Variants in ZNF584 observed in about 807,000 individuals in gnomAD.
ZNF584 encodes zinc finger protein 584.
ZNF584 carries 12 observed loss-of-function variants against 14.7 expected under a neutral mutation model. That is an observed-to-expected ratio of 0.82 (90% confidence interval 0.52 to 1.32). The LOEUF (loss-of-function observed/expected upper bound fraction) is 1.32, where lower values mean the gene tolerates loss of function less well. Ranked by LOEUF, ZNF584 falls within the 40% of genes most tolerant of loss-of-function variation. The probability of loss-of-function intolerance (pLI) is 0.00; values close to 1 mark genes in which losing one functional copy is unlikely to be tolerated. For missense variants in ZNF584, 478 were observed against 518.8 expected (o/e 0.92, Z 0.76); for synonymous variants, 204 against 190.9 (o/e 1.07, Z -0.57).
At position 58,415,597 on chromosome 19, in the gene ZNF584, G is replaced by A. The variant is rs753004899; in HGVS notation, c.243G>A (p.Val81=). 2 of 1,614,166 alleles carry A rather than the reference G, an allele frequency of 1.2e-6. No homozygotes were observed. The highest frequency in any genetic ancestry group is 2.2e-5 in the South Asian group (2 of 91,056). The change falls in exon 3 of 4, where the codon GTG becomes GTA. Residue 81 remains valine (V), a synonymous_variant. Coordinates refer to ENST00000306910, the MANE Select transcript of ZNF584 (RefSeq NM_173548.3). ...DDEQSWVPSW[V]DVTPVSRAEA... is the part of the protein sequence containing the mutation. ...AACAGTCGTGGGTGCCCAGCTGGGT[G>A]GATGTGACTCCAGTCAGCAGAGCAG...
At chr19:58,416,120 C>T (rs564671341) in intron 3 of ZNF584, 7 of 646,882 alleles carry the variant, frequency 1.1e-5, no homozygotes, top group Admixed American at 2.9e-5. Context: ...CTTCCCTGCA[C>T]CATATCCTAT....
At chr19:58,414,378 G>A (rs970959156) in intron 2 of ZNF584, among the ~76,000 whole-genome samples, 23 of 151,048 alleles carry the variant, frequency 1.5e-4, no homozygotes, top group African/African-American at 5.4e-4. Flanking sequence ...TTGCTCTGTC[G>A]CCCAGGCTGG....
In ZNF584 at chr19:58,410,542, T is replaced by TTTTTTTTTTTTTTTTTTTTTTTGAGACAG. The variant is rs1568584343; in HGVS notation, c.169+451_169+452insTTTTTTTTTTTTTTTTTTTTTTGAGACAG. Among the ~76,000 whole-genome samples the TTTTTTTTTTTTTTTTTTTTTTTGAGACAG allele has an allele frequency of 2.0e-4, 3 of 15,376 alleles. 1 individual carries two copies. The allele number at this position is 15,376 out of a possible 152,430, so 10.1% of individuals were successfully genotyped here. A position where few individuals can be genotyped will look rare whatever the true frequency, so the allele number is the denominator to read the frequency against. On this transcript the variant is annotated intron_variant, in intron 2 of 3. Coordinates refer to ENST00000306910, the MANE Select transcript of ZNF584 (RefSeq NM_173548.3). ...AAATATATATATATATATATATATA[T>TTTTTTTTTTTTTTTTTTTTTTTGAGACAG]ATATATATATATATATGTGTATATA... is the stretch of plus-strand genomic sequence containing the variant.
At chr19:58,410,831 G>T (rs1437216940) in intron 2 of ZNF584, among the ~76,000 whole-genome samples, 2 of 102,972 alleles carry the variant, frequency 1.9e-5, no homozygotes, top group Non-Finnish European at 3.5e-5. Context: ...TCACTCTGTT[G>T]CCCAGGCTGG....
At chr19:58,413,138 G>A (rs1002266874) in intron 2 of ZNF584, among the ~76,000 whole-genome samples, 1 of 151,708 alleles carries the variant, frequency 6.6e-6, no homozygotes. Context: ...TGTTTCATTC[G>A]TTTCTGCTCT....
chr19:58,403,999 A>G (rs144393793), upstream of ZNF584, among the ~76,000 whole-genome samples: 10 of 151,742 alleles, frequency 6.6e-5, no homozygotes, highest in African/African-American at 2.4e-4. Flanking sequence ...ATGAGGTCCA[A>G]TGAAGTAGTG....
chr19:58,407,709 G>A (rs555195251), upstream of ZNF584, among the ~76,000 whole-genome samples: 50 of 152,308 alleles, frequency 3.3e-4, no homozygotes, highest in African/African-American at 1.2e-3. Context: ...AGCTCCTCTG[G>A]ACCTTGCCTA....
chr19:58,410,651 A>ATATGTATATATGTGTATATATATG (rs2052550013), intron 2 of ZNF584, among the ~76,000 whole-genome samples: 1 of 24,670 alleles, frequency 4.1e-5, no homozygotes, highest in Non-Finnish European at 6.8e-5. Flanking sequence ...ATATGTGTAT[A>ATATGTATATATGTGTATATATATG]TATGTGTATA....
At chr19:58,402,814 A>G in intron 1 of ZNF584, among the ~76,000 whole-genome samples, 1 of 140,394 alleles carries the variant, frequency 7.1e-6, no homozygotes, top group Non-Finnish European at 1.5e-5. Flanking sequence ...ACAAGAGCGA[A>G]ACTGCGTCTC....
chr19:58,410,266 C>G (rs986348293), intron 2 of ZNF584, among the ~76,000 whole-genome samples, 175 bp downstream of exon 2: 1 of 151,614 alleles, frequency 6.6e-6, no homozygotes, highest in African/African-American at 2.4e-5. Flanking sequence ...TCTTTCCCTG[C>G]CTTTCTCTGA....
At position 58,408,890 on chromosome 19, in the gene ZNF584, A is replaced by G; in HGVS notation, c.-258A>G. ...GGCAGGGACCTTTGCCGCGCCTTCC[A>G]CGCGCCGTGCCCCACCGGCGAGTGG... On this transcript the variant is annotated 5_prime_UTR_variant, in exon 1 of 4. Transcript: ENST00000306910. 2.5e-6 allele frequency: 1 copy of G among 407,430 alleles called. No homozygotes were observed. The highest frequency in any genetic ancestry group is 4.4e-6 in the Non-Finnish European group (1 of 227,988). 25.2% of individuals were successfully genotyped at this position (407,430 alleles called of 1,614,324 possible). A position where few individuals can be genotyped will look rare whatever the true frequency, so the allele number is the denominator to read the frequency against.
At chr19:58,412,000 T>TA (rs1568585863) in intron 2 of ZNF584, among the ~76,000 whole-genome samples, 1 of 128,256 alleles carries the variant, frequency 7.8e-6, no homozygotes, top group African/African-American at 3.1e-5. Flanking sequence ...TTTTTTTTTT[T>TA]AGACAGAGTC....
intron 2 of ZNF584, among the ~76,000 whole-genome samples, chr19:58,411,964 G>A (rs1404443402): frequency 6.9e-6 from 1 of 145,138 alleles, no homozygotes; most frequent in Non-Finnish European, 1.5e-5. Context: ...CCCTGTCATG[G>A]CTTATAATAC....
At chr19:58,406,207 C>T (rs901255788), upstream of ZNF584, 3 of 158,654 alleles carry the variant, frequency 1.9e-5, no homozygotes, top group Non-Finnish European at 2.7e-5. Context: ...ACCAGTCAGG[C>T]GTGGCGGCAC....
At chr19:58,410,539 A>ACG in intron 2 of ZNF584, among the ~76,000 whole-genome samples, 1 of 38,706 alleles carries the variant, frequency 2.6e-5, no homozygotes, top group African/African-American at 1.3e-4. Context: ...ATATATATAT[A>ACG]TATATATATA....
At position 58,410,538 on chromosome 19, in the gene ZNF584, T is replaced by TAC. The variant is rs1160309759; in HGVS notation, c.169+448_169+449insCA. On this transcript the variant is annotated intron_variant, in intron 2 of 3. Coordinates refer to ENST00000306910, the MANE Select transcript of ZNF584 (RefSeq NM_173548.3). The stretch of plus-strand genomic sequence containing the variant: ...TGGGAAATATATATATATATATATA[T>TAC]ATATATATATATATATATATGTGTA... Among the ~76,000 whole-genome samples, 65 of 24,876 alleles carry TAC rather than the reference T, an allele frequency of 2.6e-3. 8 individuals carry two copies. The highest frequency in any genetic ancestry group is 0.014 in the African/African-American group (64 of 4,486). 16.3% of individuals were successfully genotyped at this position (24,876 alleles called of 152,430 possible). A position where few individuals can be genotyped will look rare whatever the true frequency, so the allele number is the denominator to read the frequency against.
intron 2 of ZNF584, among the ~76,000 whole-genome samples, chr19:58,414,910 T>G (rs2052620839): frequency 6.6e-6 from 1 of 152,086 alleles, no homozygotes; most frequent in Non-Finnish European, 1.5e-5. Flanking sequence ...TTTGTGTTTT[T>G]GAGACAGAGT....
intron 2 of ZNF584, among the ~76,000 whole-genome samples, chr19:58,412,199 C>CTTTTTTTTTTTTTTT (rs35188048): frequency 2.4e-5 from 2 of 83,934 alleles, no homozygotes; most frequent in Admixed American, 2.7e-4. Flanking sequence ...CCAGGGTGGT[C>CTTTTTTTTTTTTTTT]TTTTTTTTTT....
upstream of ZNF584, chr19:58,408,631 G>C (rs1301522112): frequency 3.3e-5 from 5 of 153,582 alleles, no homozygotes; most frequent in Non-Finnish European, 7.3e-5. Flanking sequence ...TCAGGAGCTA[G>C]CGGCGCCCTC....
Sources: gnomAD v4.1 joint callset for allele counts (sites outside exome capture counted in the v4.1 genomes callset) on GRCh38, gnomAD v4.1.1 for gene constraint, MANE v1.5 for transcripts, NCBI Gene and HGNC (gene_info 2026-07-23, HGNC 2026-07-21) for gene names.